STK39: variants seen among roughly 807,000 people sequenced by gnomAD.
STK39 encodes STE20/SPS1-related proline-alanine-rich protein kinase.
STK39 carries 20 observed loss-of-function variants against 77.8 expected under a neutral mutation model. The observed-to-expected ratio is 0.26, with a 90% CI of 0.18 to 0.37. The LOEUF (loss-of-function observed/expected upper bound fraction) is 0.37, where lower values mean the gene tolerates loss of function less well. Among genes scored for constraint, STK39 ranks in the 10% least tolerant of loss-of-function variants. The pLI is 1.00. For missense variants in STK39, 479 were observed against 656.5 expected (o/e 0.73, Z 2.95); for synonymous variants, 246 against 234.1 (o/e 1.05, Z -0.47).
intron 13 of STK39, among the ~76,000 whole-genome samples, chr2:168,064,195 G>T (rs1169036023): frequency 1.3e-5 from 2 of 152,170 alleles, no homozygotes; most frequent in Non-Finnish European, 2.9e-5. Flanking sequence ...AATAACGCCT[G>T]CCGTAAAAGG....
chr2:168,141,370 T>C (rs1339686019), intron 5 of STK39, among the ~76,000 whole-genome samples: 1 of 152,196 alleles, frequency 6.6e-6, no homozygotes, highest in African/African-American at 2.4e-5. Flanking sequence ...ATCTGAAATG[T>C]ACCCGTGAAC....
intron 14 of STK39, among the ~76,000 whole-genome samples, chr2:168,037,527 G>A (rs991116075): frequency 3.3e-5 from 5 of 152,070 alleles, no homozygotes; most frequent in African/African-American, 4.8e-5. Context: ...TTATGGTGGC[G>A]AAAATCTGGA....
rs527815565 is a variant in STK39, at chr2:168,078,376, C to T, written c.1090-3145G>A. Among the ~76,000 whole-genome samples, 7 of 152,242 alleles carry T rather than the reference C, an allele frequency of 4.6e-5. No individual in the cohort carries two copies. The South Asian group carries it at 1.2e-3, about 27-fold the overall frequency. On this transcript the variant is annotated intron_variant, in intron 10 of 17. Transcript: ENST00000355999. ...GGCCACCAGGCAAGATGTAGGTGGC[C>T]ACTGGGCAGGGCTAGGATGAGCAGC...
At chr2:168,240,237 A>G (rs1690725707) in intron 1 of STK39, among the ~76,000 whole-genome samples, 1 of 152,190 alleles carries the variant, frequency 6.6e-6, no homozygotes, top group Admixed American at 6.5e-5. Flanking sequence ...GGGAGGCAAG[A>G]GACAATTCCC....
intron 1 of STK39, among the ~76,000 whole-genome samples, chr2:168,218,904 A>C (rs1003320701): frequency 6.6e-6 from 1 of 151,818 alleles, no homozygotes; most frequent in Admixed American, 6.6e-5. Flanking sequence ...ATCTTACTAC[A>C]TAAAACTCAG....
intron 14 of STK39, among the ~76,000 whole-genome samples, chr2:168,027,415 T>C (rs548004632): frequency 6.6e-6 from 1 of 152,296 alleles, no homozygotes; most frequent in Admixed American, 6.5e-5. Flanking sequence ...TGCAGAAATA[T>C]GCCCCTGGCC....
chr2:168,192,594 C>T (rs1159831342), intron 1 of STK39, among the ~76,000 whole-genome samples: 3 of 152,182 alleles, frequency 2.0e-5, no homozygotes, highest in African/African-American at 7.2e-5. Flanking sequence ...CAGCCCCAAG[C>T]TATGTGACCT....
At chr2:168,121,412 C>T (rs1687402339) in intron 10 of STK39, among the ~76,000 whole-genome samples, 1 of 152,236 alleles carries the variant, frequency 6.6e-6, no homozygotes, top group Non-Finnish European at 1.5e-5. Flanking sequence ...AGGCTCTTCA[C>T]ACATACACGC....
intron 7 of STK39, 149 bp downstream of exon 7, chr2:168,140,140 G>A (rs1687943350): frequency 1.4e-6 from 1 of 693,644 alleles, no homozygotes; most frequent in Non-Finnish European, 2.5e-6. Context: ...TCTGTCCACT[G>A]AGAAAATCAG....
chr2:168,191,978 C>A (rs186871021), intron 1 of STK39, among the ~76,000 whole-genome samples: 12 of 152,132 alleles, frequency 7.9e-5, no homozygotes, highest in Admixed American at 2.0e-4. Flanking sequence ...GGGACCCTGA[C>A]CTCTGAAGAG....
rs1226196668 is a variant in STK39 at position 168,247,453 on chromosome 2, C to G, written c.-18G>C. 7.6e-7 allele frequency: 1 copy of G among 1,310,146 alleles called. No individual in the cohort carries two copies. The highest frequency in any genetic ancestry group is 2.6e-5 in the Admixed American group (1 of 39,210). 81.2% of individuals were successfully genotyped at this position (1,310,146 alleles called of 1,614,324 possible). A position where few individuals can be genotyped will look rare whatever the true frequency, so the allele number is the denominator to read the frequency against. On this transcript the variant is annotated 5_prime_UTR_variant, in exon 1 of 18. Transcript: ENST00000355999. ...TCCGCCATGATGCTGCGGAGGAGAGCAGGAGGACGCGCCGGCCGACGGACG... is the reference window on the plus strand; with the variant it reads ...TCCGCCATGATGCTGCGGAGGAGAGGAGGAGGACGCGCCGGCCGACGGACG...
chr2:168,190,961 G>C (rs553602735), intron 1 of STK39, among the ~76,000 whole-genome samples: 56 of 152,332 alleles, frequency 3.7e-4, no homozygotes, highest in African/African-American at 1.3e-3. Context: ...TATTCACACA[G>C]ATAAACGGAT....
intron 17 of STK39, among the ~76,000 whole-genome samples, chr2:167,958,625 T>G (rs1691850487): frequency 6.6e-6 from 1 of 152,034 alleles, no homozygotes. Context: ...TTGAAGCACA[T>G]GAAAAAAAAA....
intron 5 of STK39, among the ~76,000 whole-genome samples, chr2:168,144,159 G>A (rs1011158600): frequency 6.6e-6 from 1 of 152,144 alleles, no homozygotes; most frequent in African/African-American, 2.4e-5. Context: ...AGATCTACTA[G>A]GAAACATTAC....
chr2:168,226,806 A>C (rs1690319183), intron 1 of STK39, among the ~76,000 whole-genome samples: 1 of 152,248 alleles, frequency 6.6e-6, no homozygotes, highest in Non-Finnish European at 1.5e-5. Context: ...TATCTATCAA[A>C]AGTATAAATG....
intron 10 of STK39, among the ~76,000 whole-genome samples, chr2:168,082,538 TC>T (rs1476851120): frequency 6.6e-6 from 1 of 152,220 alleles, no homozygotes; most frequent in Non-Finnish European, 1.5e-5. Flanking sequence ...TCCATTCTTT[TC>T]CTTTAGCTCT....
intron 14 of STK39, among the ~76,000 whole-genome samples, chr2:168,041,148 G>A (rs1685094309): frequency 6.6e-6 from 1 of 152,058 alleles, no homozygotes; most frequent in Non-Finnish European, 1.5e-5. Context: ...TTTTTAACAA[G>A]TTTAACATTA....
chr2:168,081,393 G>A (rs2105416037), intron 10 of STK39, among the ~76,000 whole-genome samples: 1 of 152,268 alleles, frequency 6.6e-6, no homozygotes, highest in South Asian at 2.1e-4. Context: ...TTTCAGATTT[G>A]GATGAGGCCT....
At chr2:168,041,536 C>T (rs1194188192) in intron 14 of STK39, among the ~76,000 whole-genome samples, 1 of 151,996 alleles carries the variant, frequency 6.6e-6, no homozygotes, top group Non-Finnish European at 1.5e-5. Context: ...AGTGGAGGCT[C>T]GTCTGTCTAA....
Sources: allele counts gnomAD v4.1 joint callset (sites outside exome capture counted in the v4.1 genomes callset), GRCh38; gene constraint gnomAD v4.1.1; transcripts MANE v1.5; gene names NCBI Gene and HGNC (gene_info 2026-07-23, HGNC 2026-07-21).